The following TJP2 variants were observed in gnomAD, a reference collection of about 807,000 sequenced individuals.
TJP2 encodes Friedreich ataxia region gene X104 (tight junction protein ZO-2).
TJP2 carries 91 observed loss-of-function variants against 133.1 expected under a neutral mutation model. The observed-to-expected ratio is 0.68, with a 90% CI of 0.58 to 0.81. The LOEUF (loss-of-function observed/expected upper bound fraction) is 0.81, where lower values mean the gene tolerates loss of function less well. TJP2 is among the 40% of genes least tolerant of loss of function. The pLI, the probability that TJP2 is intolerant of heterozygous loss-of-function variation, is 0.00. For missense variants in TJP2, 1,541 were observed against 1,565.6 expected, an observed-to-expected ratio of 0.98 and a Z score of 0.26; for synonymous variants, 592 against 583.4, an observed-to-expected ratio of 1.01 and a Z score of -0.21.
At chr9:69,252,771 G>C in intron 21 of TJP2, 44 bp from the exon 22 acceptor site, 1 of 1,590,672 alleles carries the variant, frequency 6.3e-7, no homozygotes, top group Non-Finnish European at 8.6e-7. Context: ...GTGCCCAGTG[G>C]TTCATTCTTT....
intron 17 of TJP2, among the ~76,000 whole-genome samples, chr9:69,243,232 G>T (rs1830691991): frequency 6.6e-6 from 1 of 152,296 alleles, no homozygotes; most frequent in Middle Eastern, 3.4e-3. Flanking sequence ...GAGAATAATA[G>T]AGTGCTTTGA....
At chr9:69,179,750 C>G (rs1011074678) in intron 1 of TJP2, among the ~76,000 whole-genome samples, 4 of 152,134 alleles carry the variant, frequency 2.6e-5, no homozygotes, top group African/African-American at 9.7e-5. Context: ...CCACCCGCCT[C>G]GGCCTCCCAA....
chr9:69,211,837 C>T (rs1257673404), intron 1 of TJP2, among the ~76,000 whole-genome samples: 1 of 152,112 alleles, frequency 6.6e-6, no homozygotes, highest in Non-Finnish European at 1.5e-5. Context: ...CTGTTTGGAT[C>T]CCCAGCCTCC....
At chr9:69,214,993 A>C (rs1167142798) in intron 2 of TJP2, among the ~76,000 whole-genome samples, 2 of 152,250 alleles carry the variant, frequency 1.3e-5, no homozygotes, top group Admixed American at 1.3e-4. Flanking sequence ...GACATAAGAA[A>C]GAACGAAATA....
Position 69,248,060 on chromosome 9 carries a change from G to A in TJP2, c.2716G>A (p.Ala906Thr), listed in dbSNP as rs894332443. Residue 906 changes from alanine (A) to threonine (T), a missense_variant, in exon 19 of 23, where the codon GCC becomes ACC. Coordinates refer to ENST00000377245, the MANE Select transcript of TJP2 (RefSeq NM_004817.4). The part of the protein sequence containing the change: ...DPEDRMSYLT[A>T]MGADYLSCDS... The stretch of plus-strand genomic sequence containing the variant: ...CGAAGACCGCATGTCCTACTTAACC[G>A]CCATGGGCGCGGACTATCTGAGTTG... 1.2e-6 allele frequency: 2 copies of A among 1,613,892 alleles called. No individual in the cohort carries two copies. The highest frequency in any genetic ancestry group is 2.2e-5 in the East Asian group (1 of 44,854).
chr9:69,150,625 C>T (rs2133336562), intron 1 of TJP2, among the ~76,000 whole-genome samples: 1 of 152,256 alleles, frequency 6.6e-6, no homozygotes, highest in Non-Finnish European at 1.5e-5. Flanking sequence ...GCTATTTTCT[C>T]ACCCGCTGAT....
At chr9:69,139,458 A>G (rs1176786927) in intron 1 of TJP2, among the ~76,000 whole-genome samples, 1 of 152,170 alleles carries the variant, frequency 6.6e-6, no homozygotes, top group East Asian at 1.9e-4. Flanking sequence ...TACAGAGGGA[A>G]GGTAATGTGA....
intron 1 of TJP2, among the ~76,000 whole-genome samples, chr9:69,150,353 G>GC (rs1823413136): frequency 6.7e-6 from 1 of 149,950 alleles, no homozygotes; most frequent in Non-Finnish European, 1.5e-5. Flanking sequence ...GAATGCAGTG[G>GC]TGAGATCTCA....
intron 5 of TJP2, among the ~76,000 whole-genome samples, chr9:69,223,835 A>G (rs982804623): frequency 6.6e-6 from 1 of 152,238 alleles, no homozygotes. Flanking sequence ...TTGTGGTAAG[A>G]TCTGGCTGAC....
At chr9:69,178,856 T>C (rs1249959917) in intron 1 of TJP2, among the ~76,000 whole-genome samples, 1 of 152,212 alleles carries the variant, frequency 6.6e-6, no homozygotes, top group Non-Finnish European at 1.5e-5. Context: ...TATTATCAAG[T>C]GACTCTTGCT....
intron 13 of TJP2, 44 bp from the exon 14 acceptor site, chr9:69,236,905 C>G: frequency 6.3e-7 from 1 of 1,599,976 alleles, no homozygotes; most frequent in Non-Finnish European, 8.6e-7. Context: ...ATGTTAGCTG[C>G]GTTTTCTGGC....
At chr9:69,149,319 C>T (rs924016570) in intron 1 of TJP2, among the ~76,000 whole-genome samples, 49 of 152,226 alleles carry the variant, frequency 3.2e-4, no homozygotes, top group African/African-American at 1.1e-3. Flanking sequence ...GCATATGAAG[C>T]CAAAAGCATA....
rs1373477256 is a variant in TJP2 at position 69,236,093 on chromosome 9, G to T, written c.1846G>T (p.Glu616Ter). 3.7e-6 allele frequency: 6 copies of T among 1,614,170 alleles called. No homozygotes were observed. Among genetic ancestry groups the T allele is most frequent in the Non-Finnish European group, 5.1e-6 (6 of 1,180,030 alleles). The change falls in exon 13 of 23, where the codon GAG (glutamate) becomes TAG (stop). Residue 616 changes from glutamate (E) to a stop codon, truncating the protein, a stop_gained. Coordinates refer to ENST00000377245, the MANE Select transcript of TJP2 (RefSeq NM_004817.4). LOFTEE classifies it high-confidence loss of function. ...SFFIRSHFEC[E>*]KETPQSLAFT... The stretch of plus-strand genomic sequence containing the variant: ...TTTTATAAGAAGCCACTTTGAATGT[G>T]AGAAGGAAACTCCACAGAGCCTGGC...
chr9:69,173,074 C>G (rs1426391108), upstream of TJP2, among the ~76,000 whole-genome samples: 1 of 152,206 alleles, frequency 6.6e-6, no homozygotes, highest in African/African-American at 2.4e-5. Flanking sequence ...ATCTACTGGA[C>G]TTGTTTTTCC....
chr9:69,246,845 C>G, intron 18 of TJP2, 55 bp downstream of exon 18: 2 of 1,457,036 alleles, frequency 1.4e-6, no homozygotes, highest in East Asian at 2.3e-5. Context: ...TGAAACTTTT[C>G]TCAAGAGGGC....
Position 69,251,056 on chromosome 9 carries a change from GAATCCTATGACTTCTCCA to G in TJP2, c.3024_3041del (p.Asp1008_Tyr1013del). 1.2e-6 allele frequency: 2 copies of G among 1,614,170 alleles called. No homozygotes were observed. Among genetic ancestry groups the G allele is most frequent in the South Asian group, 2.2e-5 (2 of 91,080 alleles). Reference sequence around the variant, plus strand: ...GCAGGCCAAAACCCAGAACAAAGAAGAATCCTATGACTTCTCCAAATCCTATGAATATAAGTCAAACCC... The same window carrying G: ...GCAGGCCAAAACCCAGAACAAAGAAGAATCCTATGAATATAAGTCAAACCC... On this transcript the variant is annotated inframe_deletion, in exon 21 of 23. Transcript: ENST00000377245.
At chr9:69,169,459 A>G (rs1455053869), upstream of TJP2, among the ~76,000 whole-genome samples, 1 of 151,640 alleles carries the variant, frequency 6.6e-6, no homozygotes, top group East Asian at 1.9e-4. Flanking sequence ...CCCAAGTTCA[A>G]GTGATTCTCC....
In TJP2 at chr9:69,220,931, C is replaced by A; in HGVS notation, c.387C>A (p.Ala129=). The A allele has an allele frequency of 6.2e-7, 1 of 1,612,554 alleles. No individual in the cohort carries two copies. The highest frequency in any genetic ancestry group is 8.5e-7 in the Non-Finnish European group (1 of 1,180,018). Residue 129 remains alanine, a synonymous_variant, in exon 5 of 23, where the codon GCC becomes GCA. Transcript: ENST00000377245. ...PRKVQVAALQ[A]SPPLDQDDRA... ...AGGTCCAGGTGGCCGCACTTCAGGC[C>A]AGCCCTCCCCTGGATCAGGATGACC...
At chr9:69,240,372 A>C (rs1415774030) in intron 17 of TJP2, among the ~76,000 whole-genome samples, 1 of 152,214 alleles carries the variant, frequency 6.6e-6, no homozygotes, top group Non-Finnish European at 1.5e-5. Flanking sequence ...ATGATGTGGT[A>C]ATAATTAGCT....
Sources: allele counts gnomAD v4.1 joint callset (sites outside exome capture counted in the v4.1 genomes callset), GRCh38; gene constraint gnomAD v4.1.1; transcripts MANE v1.5; gene names NCBI Gene and HGNC (gene_info 2026-07-23, HGNC 2026-07-21).